The following LPIN1 variants were observed in gnomAD, a reference collection of about 807,000 sequenced individuals.
The protein encoded by LPIN1 is lipin 1, also known as phosphatidate phosphatase LPIN1.
Under a neutral mutation model 107.5 loss-of-function variants are expected in LPIN1, and 71 were observed. That is an observed-to-expected ratio of 0.66 (90% CI 0.55 to 0.80). The LOEUF (loss-of-function observed/expected upper bound fraction) is 0.80, where lower values mean the gene tolerates loss of function less well. Ranked by LOEUF, LPIN1 falls within the 30% of genes least tolerant of loss-of-function variation. The probability of loss-of-function intolerance (pLI) is 0.00; values close to 1 mark genes in which losing one functional copy is unlikely to be tolerated. For missense variants in LPIN1, 1,043 were observed against 1,160.6 expected, an observed-to-expected ratio of 0.90 and a Z score of 1.47; for synonymous variants, 445 against 452.6, an observed-to-expected ratio of 0.98 and a Z score of 0.21.
intron 11 of LPIN1, among the ~76,000 whole-genome samples, chr2:11,787,407 T>C (rs1319198351): frequency 7.0e-6 from 1 of 143,688 alleles, no homozygotes. Flanking sequence ...TCTTTTTTTT[T>C]TTTTTTTTTT....
At chr2:11,678,898 G>A (rs773012352) in intron 1 of LPIN1, among the ~76,000 whole-genome samples, 1 of 152,204 alleles carries the variant, frequency 6.6e-6, no homozygotes, top group Non-Finnish European at 1.5e-5. Context: ...ACCTTCTCTC[G>A]GGAGCCCCGT....
chr2:11,821,495 C>A (rs189657778), intron 20 of LPIN1, among the ~76,000 whole-genome samples: 3 of 152,074 alleles, frequency 2.0e-5, no homozygotes, highest in African/African-American at 7.2e-5. Flanking sequence ...CCAGCCTGGG[C>A]GACAGAGCTA....
chr2:11,825,484 T>C lies in LPIN1; in HGVS notation c.*693T>C, dbSNP rs1682256378. On this transcript the variant is annotated 3_prime_UTR_variant, in exon 21 of 21. Transcript: ENST00000674199. This position sits in a 1 kb window ranked among gnomAD's most constrained non-coding sequence, Gnocchi z 4.1. ...CATATCTCCCCCCAGTTTTTGTGGC[T>C]CAAGGCTGGAATATTTATGCCTTAA... 6.5e-6 allele frequency: 1 copy of C among 153,016 alleles called. No homozygotes were observed. The highest frequency in any genetic ancestry group is 1.5e-5 in the Non-Finnish European group (1 of 68,356). 9.5% of individuals were successfully genotyped at this position (153,016 alleles called of 1,614,324 possible).
In LPIN1 at chr2:11,712,135, T is replaced by TA. The variant is rs201092312; in HGVS notation, c.82-1621_82-1620insA. Among the ~76,000 whole-genome samples the TA allele has an allele frequency of 2.8e-4, 43 of 152,180 alleles. No individual in the cohort carries two copies. In the East Asian group the frequency reaches 8.3e-3, roughly 29 times the overall value. On this transcript the variant is annotated intron_variant, in intron 1 of 21. Coordinates refer to the LPIN1 transcript ENST00000449576. Reference sequence around the variant, plus strand: ...TCACCCCTGCCTCCTTGCCCCCTGATCCCCCCGGCATCCCCTTATGCCCAC... The same window carrying TA: ...TCACCCCTGCCTCCTTGCCCCCTGATACCCCCCGGCATCCCCTTATGCCCAC...
intron 6 of LPIN1, 67 bp from the exon 7 acceptor site, chr2:11,779,452 G>T (rs534470722): frequency 6.4e-7 from 1 of 1,561,756 alleles, no homozygotes; most frequent in South Asian, 1.1e-5. Flanking sequence ...GAGCCATGGA[G>T]CTGGGCCCAA....
chr2:11,795,793 A>G (rs1676606240), intron 14 of LPIN1, among the ~76,000 whole-genome samples: 1 of 152,250 alleles, frequency 6.6e-6, no homozygotes, highest in African/African-American at 2.4e-5. Context: ...GACAATAATA[A>G]CAGTGAGAAT....
At chr2:11,813,026 T>C (rs1340190643) in intron 17 of LPIN1, among the ~76,000 whole-genome samples, 1 of 152,084 alleles carries the variant, frequency 6.6e-6, no homozygotes, top group Non-Finnish European at 1.5e-5. Flanking sequence ...AGAGTGCCAC[T>C]TGCTACTTGC....
intron 1 of LPIN1, among the ~76,000 whole-genome samples, chr2:11,703,098 A>C (rs1258500436): frequency 2.0e-5 from 3 of 152,200 alleles, no homozygotes; most frequent in Non-Finnish European, 4.4e-5. Flanking sequence ...TTCATTCTAC[A>C]TTCCCTGTTA....
At chr2:11,784,079 C>T (rs553495873) in intron 9 of LPIN1, 157 bp downstream of exon 9, 45 of 1,262,630 alleles carry the variant, frequency 3.6e-5, no homozygotes, top group African/African-American at 3.3e-4. Flanking sequence ...CTGAGGTGGG[C>T]GGATCACTTG....
Position 11,783,927 on chromosome 2 carries a change from A to C in LPIN1, c.1358+5A>C. 1 of 1,613,796 alleles carries C rather than the reference A, an allele frequency of 6.2e-7. No homozygotes were observed. The highest frequency in any genetic ancestry group is 8.5e-7 in the Non-Finnish European group (1 of 1,179,720). ...GGCCCTGTATTTTCCCAAAAAGTAA[A>C]ATTCCTGTTAATTCCTCACATCATT... On this transcript the variant is annotated splice_donor_5th_base_variant and intron_variant, in intron 9 of 20. Coordinates refer to ENST00000674199, the MANE Select transcript of LPIN1 (RefSeq NM_001349206.2).
intron 12 of LPIN1, chr2:11,791,702 C>A (rs757731723): frequency 7.1e-7 from 1 of 1,404,874 alleles, no homozygotes; most frequent in South Asian, 1.3e-5. Context: ...TTAACATCTT[C>A]TTAAGTCTTC....
intron 1 of LPIN1, among the ~76,000 whole-genome samples, chr2:11,703,454 A>G (rs927101813): frequency 1.4e-4 from 21 of 152,230 alleles, no homozygotes; most frequent in African/African-American, 5.1e-4. Context: ...TTCTCCTTGT[A>G]TAGACACATA....
At chr2:11,747,724 C>A (rs971777785) in intron 1 of LPIN1, among the ~76,000 whole-genome samples, 2 of 152,190 alleles carry the variant, frequency 1.3e-5, no homozygotes, top group African/African-American at 4.8e-5. Context: ...TAAGCACATC[C>A]ACACATGAAC....
intron 12 of LPIN1, among the ~76,000 whole-genome samples, chr2:11,790,662 T>C (rs1675560841): frequency 6.6e-6 from 1 of 152,192 alleles, no homozygotes; most frequent in South Asian, 2.1e-4. Context: ...CAGGACCGTG[T>C]ATTAACTAAC....
intron 20 of LPIN1, chr2:11,823,094 C>G (rs1455689981): frequency 6.6e-6 from 1 of 152,302 alleles, no homozygotes; most frequent in East Asian, 1.9e-4. Context: ...AGAACTGGGA[C>G]AGTCATCTGA....
chr2:11,723,238 T>C (rs114247740), upstream of LPIN1, among the ~76,000 whole-genome samples: 2,858 of 152,324 alleles, frequency 0.019, 83 homozygotes, highest in African/African-American at 0.063. Context: ...CCATGGTTCA[T>C]GAACTGATAT....
intron 1 of LPIN1, among the ~76,000 whole-genome samples, chr2:11,696,547 G>C (rs1662589598): frequency 6.6e-6 from 1 of 152,176 alleles, no homozygotes; most frequent in Non-Finnish European, 1.5e-5. Flanking sequence ...CTAGAGCCTG[G>C]GTTTGGCCAG....
chr2:11,724,323 G>T, upstream of LPIN1: 1 of 985,678 alleles, frequency 1.0e-6, no homozygotes, highest in Non-Finnish European at 1.2e-6. Flanking sequence ...GCCTTTCCCA[G>T]GAGAGCCCAT....
At chr2:11,780,261 CTG>C (rs1281162274) in intron 7 of LPIN1, among the ~76,000 whole-genome samples, 11 of 152,204 alleles carry the variant, frequency 7.2e-5, no homozygotes, top group African/African-American at 2.4e-4. Context: ...TGTCTTGAAA[CTG>C]TAAACAAAAA....
Sources: allele counts gnomAD v4.1 joint callset (sites outside exome capture counted in the v4.1 genomes callset), GRCh38; gene constraint gnomAD v4.1.1; non-coding constraint Gnocchi (gnomAD v3.1); transcripts MANE v1.5; gene names NCBI Gene and HGNC (gene_info 2026-07-23, HGNC 2026-07-21).